ZNF821: variants seen among roughly 807,000 people sequenced by gnomAD.
ZNF821 encodes the protein zinc finger protein 821.
ZNF821 carries 16 observed loss-of-function variants against 44.3 expected under a neutral mutation model. That is an observed-to-expected ratio of 0.36 (90% CI 0.24 to 0.55). The LOEUF (loss-of-function observed/expected upper bound fraction) is 0.55. Ranked by LOEUF, ZNF821 falls within the 20% of genes least tolerant of loss-of-function variation. The pLI is 0.86. For missense variants in ZNF821, 436 were observed against 547.6 expected (o/e 0.80, Z 2.03); for synonymous variants, 204 against 197.6 (o/e 1.03, Z -0.27).
chr16:71,861,395 ACT>A (rs1325427004), intron 7 of ZNF821, among the ~76,000 whole-genome samples: 3 of 152,260 alleles, frequency 2.0e-5, no homozygotes, highest in African/African-American at 7.2e-5. Context: ...GCAAAGGCAG[ACT>A]CTGCACTGTA....
At chr16:71,890,368 C>G (rs904629907) in intron 1 of ZNF821, among the ~76,000 whole-genome samples, 1 of 148,062 alleles carries the variant, frequency 6.8e-6, no homozygotes, top group African/African-American at 2.5e-5. Context: ...ATGTGTAGTA[C>G]TTTTATGCAG....
chr16:71,881,625 A>T (rs116956147), intron 2 of ZNF821: 1 of 152,196 alleles, frequency 6.6e-6, no homozygotes, highest in Non-Finnish European at 1.5e-5. Flanking sequence ...TGGATTTCCT[A>T]TATGTGTGTG....
intron 4 of ZNF821, 52 bp downstream of exon 4, chr16:71,867,860 G>A: frequency 6.5e-7 from 1 of 1,527,962 alleles, no homozygotes; most frequent in Non-Finnish European, 8.8e-7. Flanking sequence ...CACACACTCT[G>A]ATAATTCTTC....
intron 3 of ZNF821, among the ~76,000 whole-genome samples, chr16:71,878,297 T>C (rs1289854174): frequency 1.3e-5 from 2 of 151,774 alleles, no homozygotes; most frequent in Non-Finnish European, 1.5e-5. Flanking sequence ...GTATTTTTAG[T>C]GGAGATGAGT....
chr16:71,895,041 G>A (rs770212423), exon 1 of ZNF821: 6 of 496,428 alleles, frequency 1.2e-5, no homozygotes, highest in African/African-American at 2.0e-5. Flanking sequence ...GGGACACGGA[G>A]GCGCTGGGTG....
At chr16:71,863,687 G>C (rs1468835827) in intron 6 of ZNF821, among the ~76,000 whole-genome samples, 1 of 151,984 alleles carries the variant, frequency 6.6e-6, no homozygotes, top group Non-Finnish European at 1.5e-5. Flanking sequence ...ACCACACCTG[G>C]CTTTGGGCTG....
intron 1 of ZNF821, chr16:71,894,610 C>T: frequency 2.0e-6 from 1 of 497,074 alleles, no homozygotes; most frequent in Non-Finnish European, 3.6e-6. Flanking sequence ...ACTGCAGCAG[C>T]GACCTTCTGG....
chr16:71,863,661 A>T (rs2034190210), intron 6 of ZNF821, among the ~76,000 whole-genome samples: 1 of 151,946 alleles, frequency 6.6e-6, no homozygotes, highest in Admixed American at 6.6e-5. Flanking sequence ...AAGTGCTGGA[A>T]TTCTGGGTGT....
rs767145384 is a variant in ZNF821, at chr16:71,864,942, T to C, written c.273A>G (p.Thr91=). Residue 91 remains threonine (T), a synonymous_variant, in exon 5 of 8, where the codon ACA becomes ACG. Transcript: ENST00000425432. ...VVKVEKELEN[T]EQPVGGNEVV... is the part of the protein sequence containing the mutation. The stretch of plus-strand genomic sequence containing the variant: ...CTTCGTTCCCACCAACAGGCTGTTC[T>C]GTATTTTCTAACTCTTTCTCCACTT... 4 of 1,614,094 alleles carry C rather than the reference T, an allele frequency of 2.5e-6. No individual in the cohort carries two copies. Among genetic ancestry groups the C allele is most frequent in the Middle Eastern group, 1.6e-4 (1 of 6,084 alleles).
At chr16:71,886,837 G>C (rs2036858574), upstream of ZNF821, among the ~76,000 whole-genome samples, 1 of 152,104 alleles carries the variant, frequency 6.6e-6, no homozygotes, top group South Asian at 2.1e-4. Flanking sequence ...CCTTCCTCCA[G>C]CTCCTGGCAC....
intron 2 of ZNF821, chr16:71,882,240 G>C (rs1423308371): frequency 6.9e-6 from 1 of 143,928 alleles, no homozygotes; most frequent in Non-Finnish European, 1.5e-5. Flanking sequence ...CTGCACTCCA[G>C]CCTGGGCGAC....
chr16:71,870,169 T>G (rs1264004631), intron 3 of ZNF821, among the ~76,000 whole-genome samples: 4 of 152,170 alleles, frequency 2.6e-5, no homozygotes, highest in Admixed American at 2.0e-4. Flanking sequence ...TGATACCACA[T>G]CATGAGTTAT....
chr16:71,864,729 G>A (rs758828936), intron 5 of ZNF821, 174 bp downstream of exon 5: 65 of 714,328 alleles, frequency 9.1e-5, no homozygotes, highest in Admixed American at 2.7e-4. Context: ...AAAACTGAGT[G>A]TGGCGAGAAC....
chr16:71,893,864 T>C (rs2036913090), intron 1 of ZNF821: 1 of 152,228 alleles, frequency 6.6e-6, no homozygotes, highest in Non-Finnish European at 1.5e-5. Context: ...CCTTCTGGGT[T>C]CAAGCGATTC....
At chr16:71,885,209 C>G (rs2036804005), upstream of ZNF821, 1 of 152,578 alleles carries the variant, frequency 6.6e-6, no homozygotes, top group Non-Finnish European at 1.5e-5. Context: ...CCTTCTCTCT[C>G]CTAGTTCCTG....
chr16:71,882,641 A>C (rs1335902512), intron 2 of ZNF821, among the ~76,000 whole-genome samples: 1 of 152,232 alleles, frequency 6.6e-6, no homozygotes, highest in African/African-American at 2.4e-5. Flanking sequence ...TGAGTGATCA[A>C]GAGAAAAATA....
Position 71,879,930 on chromosome 16 carries a change from T to C in ZNF821, c.17A>G (p.Gln6Arg). 1 of 1,613,758 alleles carries C rather than the reference T, an allele frequency of 6.2e-7. No individual in the cohort carries two copies. Among genetic ancestry groups the C allele is most frequent in the Non-Finnish European group, 8.5e-7 (1 of 1,179,848 alleles). The part of the protein sequence containing the change: MSRRK[Q>R]TNPNKVHWDQ... Reference sequence around the variant, plus strand: ...ACAGTGAACTTTATTTGGATTTGTCTGTTTCCGACGGGACATGTTTCCCTG... The same window carrying C: ...ACAGTGAACTTTATTTGGATTTGTCCGTTTCCGACGGGACATGTTTCCCTG... The change falls in exon 3 of 8, where the codon CAG (glutamine) becomes CGG (arginine). Residue 6 changes from glutamine to arginine, a missense_variant. Gln to Arg is a conservative substitution (Grantham distance 43). Around this residue, in one of 5 missense-constraint regions of ZNF821, gnomAD observed 238 missense variants for 281.4 expected, o/e 0.85. Coordinates refer to ENST00000425432, the MANE Select transcript of ZNF821 (RefSeq NM_001201552.2).
chr16:71,860,590 T>A lies in ZNF821; in HGVS notation c.667A>T (p.Ile223Phe). 6.2e-7 allele frequency: 1 copy of A among 1,614,104 alleles called. No individual in the cohort carries two copies. Among genetic ancestry groups the A allele is most frequent in the Non-Finnish European group, 8.5e-7 (1 of 1,180,014 alleles). ...GGGTACACTGGAGGACTAAAGGCAA[T>A]ATCCTTCCCCTCAGCACTGGAGGGA... Reference protein sequence around the residue: ...EGPSSAEGKDIAFSPPVYPAG... With the variant: ...EGPSSAEGKDFAFSPPVYPAG... The change falls in exon 8 of 8, where the codon ATT (isoleucine) becomes TTT (phenylalanine). Residue 223 changes from isoleucine to phenylalanine, a missense_variant. Ile to Phe is a conservative substitution (Grantham distance 21, BLOSUM62 0). Coordinates refer to ENST00000425432, the MANE Select transcript of ZNF821 (RefSeq NM_001201552.2). This position sits in a 1 kb window ranked among gnomAD's most constrained non-coding sequence, Gnocchi z 7.3.
At chr16:71,890,998 T>A (rs950215015) in intron 1 of ZNF821, among the ~76,000 whole-genome samples, 1 of 151,406 alleles carries the variant, frequency 6.6e-6, no homozygotes, top group Non-Finnish European at 1.5e-5. Flanking sequence ...ATGGTCTCCA[T>A]CTCCTAACCT....
Sources: allele counts gnomAD v4.1 joint callset (sites outside exome capture counted in the v4.1 genomes callset), GRCh38; gene constraint gnomAD v4.1.1; regional missense constraint gnomAD v4.1.1; non-coding constraint Gnocchi (gnomAD v3.1); transcripts MANE v1.5; gene names NCBI Gene and HGNC (gene_info 2026-07-23, HGNC 2026-07-21).